Variants in LHFPL3 observed in about 807,000 individuals in gnomAD.
The protein encoded by LHFPL3 is LHFPL tetraspan subfamily member 3 protein.
In LHFPL3, 5 loss-of-function variants were observed where a neutral mutation model predicts 19.3. The ratio of observed to expected loss-of-function variants is 0.26; its 90% confidence interval spans 0.14 to 0.54. The LOEUF (loss-of-function observed/expected upper bound fraction) is 0.54, where lower values mean the gene tolerates loss of function less well. Among genes scored for constraint, LHFPL3 ranks in the 20% least tolerant of loss-of-function variants. The pLI, the probability that LHFPL3 is intolerant of heterozygous loss-of-function variation, is 0.94. For synonymous variants in LHFPL3, 133 were observed against 126.2 expected, an observed-to-expected ratio of 1.05 and a Z score of -0.36; for missense variants, 249 against 307.4, an observed-to-expected ratio of 0.81 and a Z score of 1.42.
In LHFPL3 at chr7:104,832,084, C is replaced by T. The variant is rs919176037; in HGVS notation, c.683-74103C>T. 1.7e-4 allele frequency among the ~76,000 whole-genome samples: 26 copies of T among 152,056 alleles called. 1 individual carries two copies. The highest frequency in any genetic ancestry group is 5.8e-4 in the African/African-American group (24 of 41,364). ...GTCCCAAGCTGGAAGAGTGAGAAAA[C>T]TTTAAAATGAATTGAAACTCACAGA... is the stretch of plus-strand genomic sequence containing the variant. On this transcript the variant is annotated intron_variant, in intron 2 of 2. Coordinates refer to ENST00000424859, the MANE Select transcript of LHFPL3 (RefSeq NM_199000.3).
chr7:104,583,145 G>A (rs1377335765), intron 1 of LHFPL3, among the ~76,000 whole-genome samples: 1 of 152,056 alleles, frequency 6.6e-6, no homozygotes, highest in African/African-American at 2.4e-5. Flanking sequence ...AGAGCCCTCA[G>A]AAATGATGTC....
At chr7:104,751,512 T>A (rs1410873884) in intron 2 of LHFPL3, among the ~76,000 whole-genome samples, 1 of 150,724 alleles carries the variant, frequency 6.6e-6, no homozygotes, top group Admixed American at 6.6e-5. Flanking sequence ...TCTGCATCTA[T>A]GTTAACTGGA....
At chr7:104,831,813 A>T (rs1175493369) in intron 2 of LHFPL3, among the ~76,000 whole-genome samples, 1 of 152,004 alleles carries the variant, frequency 6.6e-6, no homozygotes, top group Non-Finnish European at 1.5e-5. Flanking sequence ...TTGAATCCCC[A>T]CCAAACCTGC....
chr7:104,503,017 C>A (rs1175208089), intron 1 of LHFPL3, among the ~76,000 whole-genome samples: 1 of 151,816 alleles, frequency 6.6e-6, no homozygotes, highest in Non-Finnish European at 1.5e-5. Flanking sequence ...ACTCTCGACC[C>A]AGCAATTTAT....
chr7:104,851,681 C>G lies in LHFPL3; in HGVS notation c.683-54506C>G, dbSNP rs986142957. Among the ~76,000 whole-genome samples the G allele has an allele frequency of 1.5e-4, 23 of 152,294 alleles. No homozygotes were observed. The East Asian group carries it at 3.5e-3, about 23-fold the overall frequency. ...TTCTTCTTCTGTATCACTTATCTCCCCTATCTAATCCTTCATGGGGTACTG... is the reference window on the plus strand; with the variant it reads ...TTCTTCTTCTGTATCACTTATCTCCGCTATCTAATCCTTCATGGGGTACTG... On this transcript the variant is annotated intron_variant, in intron 2 of 2. Transcript: ENST00000424859.
chr7:104,533,969 T>C (rs1224671306), intron 1 of LHFPL3, among the ~76,000 whole-genome samples: 3 of 152,212 alleles, frequency 2.0e-5, no homozygotes, highest in Admixed American at 2.0e-4. Flanking sequence ...CCAGACTGCT[T>C]GAGTCCTCAC....
chr7:104,430,386 A>ATGTATATATATATG lies in LHFPL3; in HGVS notation c.445+101163_445+101164insGTATATATATATGT, dbSNP rs1200869852. ...TTTCTGTGGGTATATATATATACATATATATATATATATATATACATATAT... is the reference window on the plus strand; with the variant it reads ...TTTCTGTGGGTATATATATATACATATGTATATATATATGTATATATATATATATATACATATAT... On this transcript the variant is annotated intron_variant, in intron 1 of 2. Coordinates refer to ENST00000424859, the MANE Select transcript of LHFPL3 (RefSeq NM_199000.3). 4.3e-4 allele frequency among the ~76,000 whole-genome samples: 18 copies of ATGTATATATATATG among 41,932 alleles called. 1 individual carries two copies. The South Asian group carries it at 8.6e-3, about 20-fold the overall frequency. The allele number at this position is 41,932 out of a possible 152,430, so 27.5% of individuals were successfully genotyped here. A position where few individuals can be genotyped will look rare whatever the true frequency, so the allele number is the denominator to read the frequency against.
At chr7:104,547,818 T>C (rs1041559697) in intron 1 of LHFPL3, among the ~76,000 whole-genome samples, 5 of 152,204 alleles carry the variant, frequency 3.3e-5, no homozygotes, top group African/African-American at 1.2e-4. Flanking sequence ...AGGAATATTT[T>C]GGCCATTCCC....
chr7:104,702,908 A>C lies in LHFPL3; in HGVS notation c.446-33767A>C, dbSNP rs752607392. ...CTAACTGTTCCCATGCTTCAGGAAA[A>C]TCCTGGAAGGTCCCAGCTGTCAATA... On this transcript the variant is annotated intron_variant, in intron 1 of 2. Coordinates refer to ENST00000424859, the MANE Select transcript of LHFPL3 (RefSeq NM_199000.3). 6.6e-4 allele frequency among the ~76,000 whole-genome samples: 101 copies of C among 152,152 alleles called. 1 individual carries two copies. The highest frequency in any genetic ancestry group is 2.4e-4 in the Non-Finnish European group (16 of 68,036).
intron 1 of LHFPL3, among the ~76,000 whole-genome samples, chr7:104,665,991 A>G (rs969833852): frequency 2.0e-5 from 3 of 152,218 alleles, no homozygotes; most frequent in African/African-American, 7.2e-5. Context: ...TTACCTTTAC[A>G]AATCCTATTT....
At chr7:104,543,877 G>T (rs2115884670) in intron 1 of LHFPL3, among the ~76,000 whole-genome samples, 1 of 149,428 alleles carries the variant, frequency 6.7e-6, no homozygotes, top group South Asian at 2.1e-4. Flanking sequence ...TAACAAACCT[G>T]CACATTGTGC....
chr7:104,537,822 G>A (rs1316374918), intron 1 of LHFPL3, among the ~76,000 whole-genome samples: 1 of 152,190 alleles, frequency 6.6e-6, no homozygotes, highest in African/African-American at 2.4e-5. Context: ...ATGGATGAGG[G>A]AAGTTGAAGA....
chr7:104,358,575 G>A (rs1461459568), intron 1 of LHFPL3, among the ~76,000 whole-genome samples: 2 of 152,172 alleles, frequency 1.3e-5, no homozygotes, highest in Non-Finnish European at 2.9e-5. Flanking sequence ...GCATAGGCAG[G>A]CTTTACTTAG....
intron 1 of LHFPL3, among the ~76,000 whole-genome samples, chr7:104,470,920 G>A (rs542208581): frequency 4.6e-5 from 7 of 152,160 alleles, no homozygotes; most frequent in Non-Finnish European, 4.4e-5. Context: ...TCACATCCAG[G>A]AGAATGCCCT....
At chr7:104,777,181 TGTC>T (rs1298655406) in intron 2 of LHFPL3, among the ~76,000 whole-genome samples, 1 of 152,218 alleles carries the variant, frequency 6.6e-6, no homozygotes, top group Non-Finnish European at 1.5e-5. Flanking sequence ...TCATCTCTCT[TGTC>T]TTCATTTTCT....
At chr7:104,413,759 A>G (rs1183224210) in intron 1 of LHFPL3, among the ~76,000 whole-genome samples, 2 of 152,230 alleles carry the variant, frequency 1.3e-5, no homozygotes, top group Admixed American at 6.5e-5. Flanking sequence ...GTGTTTACTC[A>G]TAGAAATACA....
chr7:104,527,474 G>A (rs1489320986), intron 1 of LHFPL3, among the ~76,000 whole-genome samples: 1 of 152,152 alleles, frequency 6.6e-6, no homozygotes, highest in Admixed American at 6.6e-5. Context: ...CAATGCACTC[G>A]ATTGGAGACC....
At chr7:104,340,086 G>T (rs1789916247) in intron 1 of LHFPL3, among the ~76,000 whole-genome samples, 1 of 152,176 alleles carries the variant, frequency 6.6e-6, no homozygotes, top group Non-Finnish European at 1.5e-5. Context: ...TTTGCATCTT[G>T]ACCTGTCATC....
chr7:104,357,832 T>G (rs1790312048), intron 1 of LHFPL3, among the ~76,000 whole-genome samples: 2 of 152,194 alleles, frequency 1.3e-5, no homozygotes, highest in Admixed American at 1.3e-4. Context: ...ATCTCAGTTC[T>G]GCTCTTAAGG....
Sources: gnomAD v4.1 joint callset for allele counts (sites outside exome capture counted in the v4.1 genomes callset) on GRCh38, gnomAD v4.1.1 for gene constraint, MANE v1.5 for transcripts, NCBI Gene and HGNC (gene_info 2026-07-23, HGNC 2026-07-21) for gene names.